PLXNA2: variants seen among roughly 807,000 people sequenced by gnomAD.
The protein encoded by PLXNA2 is plexin-A2.
In PLXNA2, 91 loss-of-function variants were observed where a neutral mutation model predicts 193.5. The observed-to-expected ratio is 0.47, with a 90% CI of 0.40 to 0.56. The LOEUF (loss-of-function observed/expected upper bound fraction) is 0.56. PLXNA2 is among the 20% of genes least tolerant of loss of function. The pLI is 0.00. For synonymous variants in PLXNA2, 997 were observed against 1,027.3 expected (o/e 0.97, Z 0.56); for missense variants, 1,995 against 2,503.2 (o/e 0.80, Z 4.33).
Position 208,112,573 on chromosome 1 carries a change from T to A in PLXNA2, c.1507-9326A>T, listed in dbSNP as rs1184534415. Among the ~76,000 whole-genome samples, 4 of 152,184 alleles carry A rather than the reference T, an allele frequency of 2.6e-5. No individual in the cohort carries two copies. In the East Asian group the frequency reaches 7.7e-4, roughly 29 times the overall value. ...GTCTAGATGCAGACCCCACTGAAGGTGGCAGTGCTAGCATGGAAAAGCTGC... is the reference window on the plus strand; with the variant it reads ...GTCTAGATGCAGACCCCACTGAAGGAGGCAGTGCTAGCATGGAAAAGCTGC... On this transcript the variant is annotated intron_variant, in intron 4 of 31. Coordinates refer to ENST00000367033, the MANE Select transcript of PLXNA2 (RefSeq NM_025179.4).
intron 6 of PLXNA2, 118 bp downstream of exon 6, chr1:208,098,728 C>T: frequency 8.3e-7 from 1 of 1,206,766 alleles, no homozygotes; most frequent in Admixed American, 2.2e-5. Flanking sequence ...ATAAAGTCTC[C>T]TTACTGGATT....
intron 3 of PLXNA2, among the ~76,000 whole-genome samples, chr1:208,145,036 C>T (rs955145045): frequency 5.3e-5 from 8 of 152,266 alleles, no homozygotes; most frequent in African/African-American, 1.9e-4. Context: ...AGCATTCTCC[C>T]TTAGATAGAC....
intron 3 of PLXNA2, chr1:208,209,985 T>A (rs893600412): frequency 0.014 from 2,070 of 148,140 alleles, 324 homozygotes; most frequent in South Asian, 0.053. Flanking sequence ...GAAGAGCAAT[T>A]TTTTTTTTTT....
chr1:208,039,876 C>T, intron 23 of PLXNA2, 109 bp from the exon 24 acceptor site: 1 of 1,583,892 alleles, frequency 6.3e-7, no homozygotes, highest in Non-Finnish European at 8.7e-7. Flanking sequence ...TTTAGCACAG[C>T]CAGTCCAGGT....
At chr1:208,034,915 T>C (rs1197872909) in intron 26 of PLXNA2, among the ~76,000 whole-genome samples, 3 of 152,228 alleles carry the variant, frequency 2.0e-5, no homozygotes, top group Non-Finnish European at 4.4e-5. Flanking sequence ...TGAATACAAA[T>C]ATAAACTATC....
chr1:208,244,218 A>T lies in PLXNA2; in HGVS notation c.-656T>A, dbSNP rs1672157424. The T allele has an allele frequency of 6.1e-6, 1 of 164,324 alleles. No homozygotes were observed. The highest frequency in any genetic ancestry group is 1.3e-5 in the Non-Finnish European group (1 of 77,008). The allele number at this position is 164,324 out of a possible 1,614,324, so 10.2% of individuals were successfully genotyped here. On this transcript the variant is annotated 5_prime_UTR_variant, in exon 1 of 32. Transcript: ENST00000367033. Reference sequence around the variant, plus strand: ...TCCGGATCGCTCGCCCTCTCGGCTGAAAAATTCCCAGCAACTGCCCTCCGC... The same window carrying T: ...TCCGGATCGCTCGCCCTCTCGGCTGTAAAATTCCCAGCAACTGCCCTCCGC...
intron 4 of PLXNA2, among the ~76,000 whole-genome samples, chr1:208,132,132 G>C (rs1029276758): frequency 6.6e-6 from 1 of 152,170 alleles, no homozygotes; most frequent in East Asian, 1.9e-4. Context: ...ACCTGCAGAG[G>C]CATTTCCCCT....
chr1:208,097,019 G>C, intron 6 of PLXNA2, 136 bp from the exon 7 acceptor site: 2 of 696,368 alleles, frequency 2.9e-6, no homozygotes, highest in East Asian at 5.5e-5. Flanking sequence ...TGGTCTAAGT[G>C]GTCTTCCAGC....
chr1:208,111,371 T>C (rs184106738), intron 4 of PLXNA2, among the ~76,000 whole-genome samples: 1 of 152,220 alleles, frequency 6.6e-6, no homozygotes, highest in Non-Finnish European at 1.5e-5. Context: ...CTGGCTGGAC[T>C]TCTGTTTTTA....
At chr1:208,084,144 CAA>C (rs944856010) in intron 10 of PLXNA2, among the ~76,000 whole-genome samples, 1 of 152,222 alleles carries the variant, frequency 6.6e-6, no homozygotes, top group African/African-American at 2.4e-5. Context: ...AGAAAGGGCA[CAA>C]AGATCTCAGT....
At chr1:208,102,207 C>T (rs561229569) in intron 5 of PLXNA2, among the ~76,000 whole-genome samples, 1 of 152,348 alleles carries the variant, frequency 6.6e-6, no homozygotes, top group East Asian at 1.9e-4. Context: ...CCTCCCAACA[C>T]CTGCCGCAGA....
chr1:208,121,493 C>T (rs929248635), intron 4 of PLXNA2, among the ~76,000 whole-genome samples: 7 of 152,146 alleles, frequency 4.6e-5, no homozygotes, highest in Non-Finnish European at 1.0e-4. Flanking sequence ...TGGTTTCCCT[C>T]ATGCTGTTCT....
intron 13 of PLXNA2, among the ~76,000 whole-genome samples, chr1:208,054,925 C>T (rs1483439319): frequency 6.6e-6 from 1 of 152,154 alleles, no homozygotes; most frequent in Non-Finnish European, 1.5e-5. Flanking sequence ...CTGACGCTCT[C>T]TCCTATGTAA....
At chr1:208,105,329 C>T (rs763973222) in intron 4 of PLXNA2, among the ~76,000 whole-genome samples, 10 of 152,214 alleles carry the variant, frequency 6.6e-5, no homozygotes, top group Admixed American at 1.3e-4. Flanking sequence ...ATCATGCAAC[C>T]GCCTGGCTTT....
chr1:208,220,568 G>A (rs1267250614), intron 1 of PLXNA2, among the ~76,000 whole-genome samples: 1 of 151,788 alleles, frequency 6.6e-6, no homozygotes, highest in Non-Finnish European at 1.5e-5. Context: ...CAGTAGATGG[G>A]ACTACAGGCA....
intron 3 of PLXNA2, among the ~76,000 whole-genome samples, chr1:208,168,731 T>TTTTTTTTTTTTTTG (rs1558226368): frequency 4.4e-5 from 6 of 137,594 alleles, no homozygotes; most frequent in Non-Finnish European, 8.0e-5. Context: ...GGGGTTTTTT[T>TTTTTTTTTTTTTTG]TTTTTTTTTT....
At chr1:208,201,806 A>C (rs188502411) in intron 3 of PLXNA2, among the ~76,000 whole-genome samples, 11 of 152,274 alleles carry the variant, frequency 7.2e-5, no homozygotes, top group Admixed American at 5.2e-4. Flanking sequence ...ATTTAAATGC[A>C]CATATGCCCA....
At chr1:208,063,517 T>TA (rs1665682201) in intron 12 of PLXNA2, among the ~76,000 whole-genome samples, 2 of 152,126 alleles carry the variant, frequency 1.3e-5, no homozygotes, top group Non-Finnish European at 2.9e-5. Context: ...GTGAGATGGG[T>TA]AGTTCCAGCT....
At chr1:208,047,277 T>C (rs1665106197) in intron 17 of PLXNA2, among the ~76,000 whole-genome samples, 1 of 92,090 alleles carries the variant, frequency 1.1e-5, no homozygotes, top group East Asian at 5.6e-4. Flanking sequence ...AAATGTTTTA[T>C]GTAGGACCTC....
Sources: allele counts gnomAD v4.1 joint callset (sites outside exome capture counted in the v4.1 genomes callset), GRCh38; gene constraint gnomAD v4.1.1; transcripts MANE v1.5; gene names NCBI Gene and HGNC (gene_info 2026-07-23, HGNC 2026-07-21).